The following SCTR variants were observed in gnomAD, a reference collection of about 807,000 sequenced individuals.
SCTR encodes the protein pancreatic secretin receptor.
In SCTR, 56 loss-of-function variants were observed where a neutral mutation model predicts 60.8. That is an observed-to-expected ratio of 0.92 (90% CI 0.74 to 1.15). The LOEUF (loss-of-function observed/expected upper bound fraction) is 1.15, where lower values mean the gene tolerates loss of function less well. Among genes scored for constraint, SCTR ranks in the 50% most tolerant of loss-of-function variants. The pLI, the probability that SCTR is intolerant of heterozygous loss-of-function variation, is 0.00. For missense variants in SCTR, 562 were observed against 550.4 expected, an observed-to-expected ratio of 1.02 and a Z score of -0.21; for synonymous variants, 202 against 217.0, an observed-to-expected ratio of 0.93 and a Z score of 0.61.
In SCTR at chr2:119,504,046, A is replaced by G. The variant is rs1678648938; in HGVS notation, c.73-9498T>C. Reference sequence around the variant, plus strand: ...TATACAGGTACAGTAATCAAACAGGATATCAATGGAAGAATAGAAAAGTAG... The same window carrying G: ...TATACAGGTACAGTAATCAAACAGGGTATCAATGGAAGAATAGAAAAGTAG... On this transcript the variant is annotated intron_variant, in intron 1 of 12. Transcript: ENST00000019103. Among the ~76,000 whole-genome samples the G allele has an allele frequency of 2.6e-5, 4 of 152,220 alleles. No homozygotes were observed. The South Asian group carries it at 8.3e-4, about 32-fold the overall frequency.
chr2:119,470,065 G>A (rs1424235322), intron 4 of SCTR, among the ~76,000 whole-genome samples: 1 of 152,208 alleles, frequency 6.6e-6, no homozygotes, highest in Non-Finnish European at 1.5e-5. Context: ...TACTGTGGTA[G>A]GAATGGGCTT....
chr2:119,463,993 T>C, intron 6 of SCTR, 130 bp downstream of exon 6: 1 of 962,356 alleles, frequency 1.0e-6, no homozygotes, highest in South Asian at 1.4e-5. Context: ...ACTGGCTGCT[T>C]TATCCTTGGT....
chr2:119,483,854 T>C (rs935218294), intron 2 of SCTR, among the ~76,000 whole-genome samples: 1 of 152,012 alleles, frequency 6.6e-6, no homozygotes, highest in African/African-American at 2.4e-5. Flanking sequence ...GGACAGTCCC[T>C]GTGGCCTCCT....
intron 9 of SCTR, among the ~76,000 whole-genome samples, chr2:119,451,356 G>C: frequency 6.6e-6 from 1 of 152,188 alleles, no homozygotes; most frequent in Admixed American, 6.5e-5. Context: ...GCACAGAGCA[G>C]AATCGCCTGG....
At chr2:119,504,477 G>A (rs2104925543) in intron 1 of SCTR, among the ~76,000 whole-genome samples, 1 of 152,226 alleles carries the variant, frequency 6.6e-6, no homozygotes, top group Admixed American at 6.5e-5. Flanking sequence ...TATAATCCCA[G>A]CTACTAGGGA....
intron 3 of SCTR, among the ~76,000 whole-genome samples, chr2:119,477,578 G>A (rs1677387186): frequency 6.6e-6 from 1 of 152,130 alleles, no homozygotes; most frequent in African/African-American, 2.4e-5. Context: ...GGCCTCCTGA[G>A]TAGCTGGGAT....
At chr2:119,488,469 C>T (rs191369033) in intron 2 of SCTR, among the ~76,000 whole-genome samples, 123 of 152,342 alleles carry the variant, frequency 8.1e-4, no homozygotes, top group Non-Finnish European at 5.3e-4. Context: ...CCTGGATGCA[C>T]GGTCAGGACC....
chr2:119,463,471 C>T lies in SCTR; in HGVS notation c.636+652G>A, dbSNP rs542414588. On this transcript the variant is annotated intron_variant, in intron 6 of 12. Coordinates refer to ENST00000019103, the MANE Select transcript of SCTR (RefSeq NM_002980.3). The stretch of plus-strand genomic sequence containing the variant: ...AAGGCCTACTCTAAGGATGGCAGTG[C>T]GGAAACAGGGGAAAAGACTGTGTCC... Among the ~76,000 whole-genome samples, 3 of 152,162 alleles carry T rather than the reference C, an allele frequency of 2.0e-5. No homozygotes were observed. In the South Asian group the frequency reaches 6.2e-4, roughly 32 times the overall value.
intron 2 of SCTR, among the ~76,000 whole-genome samples, chr2:119,488,420 G>A (rs1284610833): frequency 1.3e-5 from 2 of 152,222 alleles, no homozygotes; most frequent in African/African-American, 4.8e-5. Context: ...TGAGTGTGAG[G>A]CAGAAGTCAG....
rs538205600 is a variant in SCTR at position 119,464,321 on chromosome 2, C to G, written c.504-66G>C. On this transcript the variant is annotated intron_variant, in intron 5 of 12. Coordinates refer to ENST00000019103, the MANE Select transcript of SCTR (RefSeq NM_002980.3). ...AGGGGCTGGGACTCAGCCAGGCCCA[C>G]CTGCCACCAGTGCACTGGGGAAACT... 40 of 1,541,194 alleles carry G rather than the reference C, an allele frequency of 2.6e-5. No homozygotes were observed. The South Asian group carries it at 3.4e-4, about 13-fold the overall frequency.
chr2:119,482,471 G>C (rs926673725), intron 2 of SCTR, among the ~76,000 whole-genome samples: 2 of 152,186 alleles, frequency 1.3e-5, no homozygotes, highest in African/African-American at 4.8e-5. Flanking sequence ...GCAGTGTGTG[G>C]GCGGAGCTTT....
intron 4 of SCTR, among the ~76,000 whole-genome samples, chr2:119,470,519 C>T (rs1383144907): frequency 2.6e-5 from 4 of 152,064 alleles, no homozygotes; most frequent in African/African-American, 9.7e-5. Flanking sequence ...GGTCTCCTTT[C>T]CACCATTTTT....
At chr2:119,487,817 C>T (rs1195094812) in intron 2 of SCTR, among the ~76,000 whole-genome samples, 1 of 152,126 alleles carries the variant, frequency 6.6e-6, no homozygotes, top group Non-Finnish European at 1.5e-5. Context: ...GTGGTGTTTC[C>T]TGTGACTGGT....
intron 1 of SCTR, among the ~76,000 whole-genome samples, chr2:119,512,547 C>T (rs1459526500): frequency 6.8e-6 from 1 of 147,434 alleles, no homozygotes; most frequent in Non-Finnish European, 1.5e-5. Flanking sequence ...CAGGTGCGTG[C>T]CACCAAGCCC....
chr2:119,479,789 A>C (rs905566084), intron 2 of SCTR: 5 of 152,268 alleles, frequency 3.3e-5, no homozygotes, highest in Non-Finnish European at 5.9e-5. Flanking sequence ...CGACTAGTAT[A>C]CATAGACACT....
rs1409879977 is a variant in SCTR at position 119,471,303 on chromosome 2, C to A, written c.405+2150G>T. On this transcript the variant is annotated intron_variant, in intron 4 of 12. Transcript: ENST00000019103. ...TTTTACAAATTTGAAACAAATAAGC[C>A]CCCTCTCTTCATATAAGTCGATGAT... Among the ~76,000 whole-genome samples, 3 of 152,010 alleles carry A rather than the reference C, an allele frequency of 2.0e-5. No individual in the cohort carries two copies. The East Asian group carries it at 5.8e-4, about 29-fold the overall frequency.
At chr2:119,481,970 C>T (rs768642218) in intron 2 of SCTR, among the ~76,000 whole-genome samples, 3 of 152,158 alleles carry the variant, frequency 2.0e-5, no homozygotes, top group East Asian at 1.9e-4. Flanking sequence ...AATCCCATGG[C>T]GGTGCCCCCA....
chr2:119,488,283 T>A (rs1677967277), intron 2 of SCTR, among the ~76,000 whole-genome samples: 1 of 152,208 alleles, frequency 6.6e-6, no homozygotes, highest in Admixed American at 6.5e-5. Flanking sequence ...ACGCTGGCCC[T>A]CCTTGGTTCA....
chr2:119,475,084 G>T (rs1376101214), intron 3 of SCTR, among the ~76,000 whole-genome samples: 1 of 152,232 alleles, frequency 6.6e-6, no homozygotes, highest in East Asian at 1.9e-4. Flanking sequence ...CACAGAGCGG[G>T]CACCGAGGCA....
Sources: allele counts gnomAD v4.1 joint callset (sites outside exome capture counted in the v4.1 genomes callset), GRCh38; gene constraint gnomAD v4.1.1; transcripts MANE v1.5; gene names NCBI Gene and HGNC (gene_info 2026-07-23, HGNC 2026-07-21).